The following EVI5 variants were observed in gnomAD, a reference collection of about 807,000 sequenced individuals.
The protein encoded by EVI5 is ecotropic viral integration site 5, also known as ecotropic viral integration site 5 protein homolog.
In EVI5, 73 loss-of-function variants were observed where a neutral mutation model predicts 112.0. The observed-to-expected ratio is 0.65, with a 90% CI of 0.54 to 0.79. The LOEUF (loss-of-function observed/expected upper bound fraction) is 0.79, where lower values mean the gene tolerates loss of function less well. EVI5 is among the 30% of genes least tolerant of loss of function. The pLI, the probability that EVI5 is intolerant of heterozygous loss-of-function variation, is 0.00. For synonymous variants in EVI5, 305 were observed against 319.9 expected (o/e 0.95, Z 0.50); for missense variants, 900 against 968.8 (o/e 0.93, Z 0.94).
At chr1:92,520,645 G>A (rs1243897822) in intron 19 of EVI5, among the ~76,000 whole-genome samples, 1 of 152,004 alleles carries the variant, frequency 6.6e-6, no homozygotes, top group African/African-American at 2.4e-5. Flanking sequence ...GAGCCTAGGA[G>A]TATGAGACTA....
At chr1:92,558,055 A>G (rs557397448) in intron 19 of EVI5, among the ~76,000 whole-genome samples, 4 of 152,254 alleles carry the variant, frequency 2.6e-5, no homozygotes, top group Non-Finnish European at 5.9e-5. Context: ...CTGTCTTAAT[A>G]AGTTTATTCT....
chr1:92,665,443 A>G (rs1664736971), intron 11 of EVI5, among the ~76,000 whole-genome samples: 1 of 152,220 alleles, frequency 6.6e-6, no homozygotes, highest in Non-Finnish European at 1.5e-5. Flanking sequence ...TACTAAAATA[A>G]TTATAAGAAC....
At chr1:92,660,808 G>A (rs1663863014) in intron 13 of EVI5, among the ~76,000 whole-genome samples, 2 of 152,086 alleles carry the variant, frequency 1.3e-5, no homozygotes, top group South Asian at 4.1e-4. Flanking sequence ...GCTGGGGTTG[G>A]GGGGTGGTGA....
At chr1:92,548,971 T>C (rs1666298468) in intron 19 of EVI5, among the ~76,000 whole-genome samples, 1 of 152,160 alleles carries the variant, frequency 6.6e-6, no homozygotes, top group Non-Finnish European at 1.5e-5. Context: ...ACCAATGACT[T>C]TCTTCACAGA....
intron 1 of EVI5, among the ~76,000 whole-genome samples, chr1:92,757,907 C>CAAAAAAAA: frequency 1.4e-5 from 1 of 70,276 alleles, no homozygotes; most frequent in Non-Finnish European, 2.8e-5. Context: ...GACTCTGCCT[C>CAAAAAAAA]AAAAAAAAAA....
chr1:92,775,017 T>C lies in EVI5; in HGVS notation c.-82+9819A>G, dbSNP rs955391390. Among the ~76,000 whole-genome samples the C allele has an allele frequency of 1.6e-4, 24 of 152,352 alleles. No homozygotes were observed. In the South Asian group the frequency reaches 2.7e-3, roughly 17 times the overall value. On this transcript the variant is annotated intron_variant, in intron 1 of 19. Transcript: ENST00000684568. ...AGGACTATCGTAACACCATGAGAGATAGTAAAAATTCCCCATGTCATCTGA... is the reference window on the plus strand; with the variant it reads ...AGGACTATCGTAACACCATGAGAGACAGTAAAAATTCCCCATGTCATCTGA...
chr1:92,566,673 T>C (rs983576203), intron 18 of EVI5, among the ~76,000 whole-genome samples: 4 of 152,166 alleles, frequency 2.6e-5, no homozygotes, highest in Non-Finnish European at 5.9e-5. Context: ...ATTGTTCTCA[T>C]AGGAGATGAC....
chr1:92,513,900 T>C lies in EVI5; in HGVS notation c.2237A>G (p.His746Arg), dbSNP rs1659447153. Residue 746 changes from histidine (H) to arginine (R), a missense_variant, in exon 20 of 20, where the codon CAT becomes CGT. Physicochemically the swap from His to Arg is conservative, Grantham distance 29 (BLOSUM62 0). Transcript: ENST00000684568. Reference protein sequence around the residue: ...PPFDGIHIVNHLIGDDESFHS... With the variant: ...PPFDGIHIVNRLIGDDESFHS... ...GAATGATTCATCATCTCCTATTAAA[T>C]GGTTGACAATGTGGATTCCATCAAA... 6.2e-7 allele frequency: 1 copy of C among 1,608,138 alleles called. No individual in the cohort carries two copies. Among genetic ancestry groups the C allele is most frequent in the East Asian group, 2.2e-5 (1 of 44,682 alleles).
chr1:92,533,416 A>G (rs945367378), intron 19 of EVI5, among the ~76,000 whole-genome samples: 2 of 152,188 alleles, frequency 1.3e-5, no homozygotes, highest in South Asian at 4.1e-4. Context: ...AAAAAGAGGG[A>G]ATCCTCCTTA....
intron 1 of EVI5, among the ~76,000 whole-genome samples, chr1:92,760,198 T>C (rs6604019): frequency 0.019 from 2,889 of 152,198 alleles, 106 homozygotes; most frequent in African/African-American, 0.065. Context: ...AAGAAAAATA[T>C]GTTCTAATCT....
intron 1 of EVI5, among the ~76,000 whole-genome samples, chr1:92,766,812 T>C (rs960224325): frequency 1.3e-5 from 2 of 152,126 alleles, no homozygotes; most frequent in African/African-American, 4.8e-5. Context: ...CCAGGCGCAG[T>C]GATTCAAGCC....
At chr1:92,761,489 A>G (rs1246436008) in intron 1 of EVI5, among the ~76,000 whole-genome samples, 3 of 152,266 alleles carry the variant, frequency 2.0e-5, no homozygotes, top group Non-Finnish European at 4.4e-5. Flanking sequence ...CAATGCAAAT[A>G]TAAAAGGTCA....
intron 2 of EVI5, among the ~76,000 whole-genome samples, chr1:92,716,072 T>A (rs1334094676): frequency 6.6e-6 from 1 of 152,176 alleles, no homozygotes; most frequent in East Asian, 1.9e-4. Flanking sequence ...TTCCACAGAC[T>A]TAAATATTCC....
At chr1:92,671,947 C>A (rs537855816) in intron 10 of EVI5, among the ~76,000 whole-genome samples, 1 of 151,874 alleles carries the variant, frequency 6.6e-6, no homozygotes, top group East Asian at 1.9e-4. Flanking sequence ...GGACTACAGG[C>A]ATGCACCACC....
intron 16 of EVI5, among the ~76,000 whole-genome samples, chr1:92,616,618 T>C (rs1042143340): frequency 6.6e-6 from 1 of 152,130 alleles, no homozygotes; most frequent in Non-Finnish European, 1.5e-5. Flanking sequence ...ATTTGAATTA[T>C]AAAAACAGAG....
chr1:92,534,601 G>A (rs972150908), intron 19 of EVI5, among the ~76,000 whole-genome samples: 1 of 152,122 alleles, frequency 6.6e-6, no homozygotes, highest in Non-Finnish European at 1.5e-5. Flanking sequence ...CAATGGAACA[G>A]AATAGAGGCC....
At chr1:92,559,825 T>C (rs907956216) in intron 19 of EVI5, among the ~76,000 whole-genome samples, 1 of 143,520 alleles carries the variant, frequency 7.0e-6, no homozygotes, top group Non-Finnish European at 1.5e-5. Context: ...ATGCAACTTA[T>C]ATGTGACCTC....
chr1:92,646,523 T>C (rs921911322), intron 13 of EVI5, among the ~76,000 whole-genome samples: 6 of 152,198 alleles, frequency 3.9e-5, no homozygotes, highest in African/African-American at 1.4e-4. Context: ...AGGACTAGCC[T>C]CACAGTGCAC....
At chr1:92,547,538 C>G (rs930520178) in intron 19 of EVI5, among the ~76,000 whole-genome samples, 2 of 152,046 alleles carry the variant, frequency 1.3e-5, no homozygotes, top group African/African-American at 4.8e-5. Context: ...AAAAACCCTT[C>G]AAAAAATCAA....
Sources: allele counts gnomAD v4.1 joint callset (sites outside exome capture counted in the v4.1 genomes callset), GRCh38; gene constraint gnomAD v4.1.1; transcripts MANE v1.5; gene names NCBI Gene and HGNC (gene_info 2026-07-23, HGNC 2026-07-21).